Variants in SLMAP observed in about 807,000 individuals in gnomAD.
SLMAP encodes the protein sarcolemma associated protein, also known as sarcolemmal membrane-associated protein.
In SLMAP, 44 loss-of-function variants were observed where a neutral mutation model predicts 128.8. The ratio of observed to expected loss-of-function variants is 0.34; its 90% CI spans 0.27 to 0.44. SLMAP has a LOEUF of 0.44. SLMAP is among the 20% of genes least tolerant of loss of function. The probability of loss-of-function intolerance (pLI) is 1.00; values close to 1 mark genes in which losing one functional copy is unlikely to be tolerated. For synonymous variants in SLMAP, 327 were observed against 348.8 expected (o/e 0.94, Z 0.70); for missense variants, 787 against 985.3 (o/e 0.80, Z 2.69).
intron 6 of SLMAP, among the ~76,000 whole-genome samples, chr3:57,854,310 A>C (rs964604501): frequency 1.2e-5 from 1 of 84,098 alleles, no homozygotes; most frequent in Non-Finnish European, 2.2e-5. Flanking sequence ...TTAAATGTAT[A>C]TATTGGCCGG....
chr3:57,869,657 T>TATATAA (rs1553900520), intron 13 of SLMAP, among the ~76,000 whole-genome samples: 2 of 135,538 alleles, frequency 1.5e-5, no homozygotes, highest in South Asian at 4.5e-4. Context: ...TATATATATA[T>TATATAA]ATAATATATA....
Position 57,927,859 on chromosome 3 carries a change from T to A in SLMAP, c.*570T>A, listed in dbSNP as rs1404189465. 1 of 152,570 alleles carries A rather than the reference T, an allele frequency of 6.6e-6. No individual in the cohort carries two copies. Among genetic ancestry groups the A allele is most frequent in the Non-Finnish European group, 1.5e-5 (1 of 68,022 alleles). 9.5% of individuals were successfully genotyped at this position (152,570 alleles called of 1,614,324 possible). A position where few individuals can be genotyped will look rare whatever the true frequency, so the allele number is the denominator to read the frequency against. On this transcript the variant is annotated 3_prime_UTR_variant, in exon 25 of 25. Coordinates refer to ENST00000671191, the MANE Select transcript of SLMAP (RefSeq NM_001377540.1). ...TTGAAATATATACACATATATATAT[T>A]TTTTACATATTTACGCCATTTTTAC...
intron 2 of SLMAP, among the ~76,000 whole-genome samples, chr3:57,816,399 C>T (rs1576968616): frequency 6.6e-6 from 1 of 152,150 alleles, no homozygotes; most frequent in Non-Finnish European, 1.5e-5. Context: ...CTACCTTGGC[C>T]TCCCAAAGTG....
intron 2 of SLMAP, among the ~76,000 whole-genome samples, chr3:57,775,242 G>A (rs962579433): frequency 4.0e-5 from 6 of 151,522 alleles, no homozygotes; most frequent in South Asian, 2.1e-4. Flanking sequence ...TTTTAGTAGA[G>A]ACGGGGTTTC....
chr3:57,843,771 C>CT (rs1452471124), intron 4 of SLMAP, among the ~76,000 whole-genome samples: 12 of 90,306 alleles, frequency 1.3e-4, no homozygotes, highest in South Asian at 4.0e-4. Flanking sequence ...TCTTTCTTTT[C>CT]TTTCTTTTTT....
At chr3:57,835,433 T>C (rs528115114) in intron 3 of SLMAP, among the ~76,000 whole-genome samples, 21 of 152,174 alleles carry the variant, frequency 1.4e-4, no homozygotes, top group Non-Finnish European at 2.8e-4. Context: ...CACTCCAGCC[T>C]TGTCTCTAAA....
At chr3:57,908,375 G>A (rs2096617127) in intron 18 of SLMAP, among the ~76,000 whole-genome samples, 1 of 152,134 alleles carries the variant, frequency 6.6e-6, no homozygotes, top group African/African-American at 2.4e-5. Flanking sequence ...TTATCTATAG[G>A]TCATAAGCCA....
At chr3:57,900,332 A>G (rs1002659468) in intron 17 of SLMAP, 2 of 152,216 alleles carry the variant, frequency 1.3e-5, no homozygotes, top group Non-Finnish European at 2.9e-5. Context: ...TTTCCCTGAT[A>G]TAGTAATCAT....
At chr3:57,896,770 A>G (rs2096253484) in intron 16 of SLMAP, 103 bp from the exon 17 acceptor site, 1 of 1,413,814 alleles carries the variant, frequency 7.1e-7, no homozygotes, top group East Asian at 2.3e-5. Context: ...CTACCCGAAT[A>G]TAATAGCTGT....
At chr3:57,825,500 CTTTT>C (rs539901060) in intron 2 of SLMAP, among the ~76,000 whole-genome samples, 1 of 106,582 alleles carries the variant, frequency 9.4e-6, no homozygotes, top group East Asian at 2.8e-4. Context: ...TGTGTGTTTT[CTTTT>C]TTTTTTTTTT....
At chr3:57,835,401 G>T (rs923193466) in intron 3 of SLMAP, among the ~76,000 whole-genome samples, 8 of 152,162 alleles carry the variant, frequency 5.3e-5, no homozygotes, top group Admixed American at 5.2e-4. Flanking sequence ...TGAGGCTGCA[G>T]TGAGCCCTGT....
rs1303337164 is a variant in SLMAP at position 57,829,367 on chromosome 3, C to T, written c.199-2016C>T. The stretch of plus-strand genomic sequence containing the variant: ...ATCAGAACTTGAAGTTTGAAAACCA[C>T]TGTAAATATCATATAATCCCCTTAT... On this transcript the variant is annotated intron_variant, in intron 2 of 24. Transcript: ENST00000671191. Among the ~76,000 whole-genome samples, 3 of 151,932 alleles carry T rather than the reference C, an allele frequency of 2.0e-5. No individual in the cohort carries two copies. In the East Asian group the frequency reaches 5.8e-4, roughly 29 times the overall value.
At chr3:57,912,781 G>A (rs758504984) in intron 20 of SLMAP, 80 bp downstream of exon 20, 67 of 1,125,812 alleles carry the variant, frequency 6.0e-5, no homozygotes, top group Middle Eastern at 5.1e-4. Context: ...GAAACATGCA[G>A]GCTTTTTTTT....
At chr3:57,818,441 C>A (rs1410392366) in intron 2 of SLMAP, among the ~76,000 whole-genome samples, 1 of 152,212 alleles carries the variant, frequency 6.6e-6, no homozygotes, top group Non-Finnish European at 1.5e-5. Context: ...AGGCGTGAGC[C>A]ACTGCGCCTG....
rs2096998589 is a variant in SLMAP, at chr3:57,925,876, T to C, written c.2477T>C (p.Phe826Ser). 4 of 1,551,178 alleles carry C rather than the reference T, an allele frequency of 2.6e-6. No homozygotes were observed. In the East Asian group the frequency reaches 9.8e-5, roughly 38 times the overall value. ...PSILQPVPAV[F>S]IGLFLAFLFW... Reference sequence around the variant, plus strand: ...ATATTACAACCCGTCCCAGCCGTATTCATCGGCCTATTCCTGGCTTTCCTG... The same window carrying C: ...ATATTACAACCCGTCCCAGCCGTATCCATCGGCCTATTCCTGGCTTTCCTG... Residue 826 changes from phenylalanine (F) to serine (S), a missense_variant, in exon 24 of 25, where the codon TTC becomes TCC. Phe to Ser is a radical substitution (Grantham distance 155, BLOSUM62 -2). Coordinates refer to ENST00000671191, the MANE Select transcript of SLMAP (RefSeq NM_001377540.1).
chr3:57,857,878 T>C, intron 7 of SLMAP, 50 bp downstream of exon 7: 1 of 1,246,692 alleles, frequency 8.0e-7, no homozygotes, highest in Non-Finnish European at 1.2e-6. Context: ...AGTTTAATAT[T>C]CCATACATGT....
intron 23 of SLMAP, among the ~76,000 whole-genome samples, chr3:57,923,328 T>C (rs539923949): frequency 6.6e-6 from 1 of 152,340 alleles, no homozygotes; most frequent in South Asian, 2.1e-4. Context: ...CACTAAGCTA[T>C]CATCTGGCTC....
chr3:57,776,948 C>T (rs1559945688), intron 2 of SLMAP, among the ~76,000 whole-genome samples: 1 of 151,982 alleles, frequency 6.6e-6, no homozygotes, highest in East Asian at 1.9e-4. Flanking sequence ...TTAAAATCTC[C>T]TTAAAAGTAA....
intron 22 of SLMAP, chr3:57,917,397 A>T (rs906503000): frequency 1.3e-5 from 5 of 393,276 alleles, no homozygotes; most frequent in African/African-American, 4.2e-5. Context: ...TATCGTATGT[A>T]ACTTAGCATA....
Sources: gnomAD v4.1 joint callset for allele counts (sites outside exome capture counted in the v4.1 genomes callset) on GRCh38, gnomAD v4.1.1 for gene constraint, MANE v1.5 for transcripts, NCBI Gene and HGNC (gene_info 2026-07-23, HGNC 2026-07-21) for gene names.